SULT4A1: variants seen among roughly 807,000 people sequenced by gnomAD.
SULT4A1 encodes the protein sulfotransferase family 4A member 1.
SULT4A1 carries 11 observed loss-of-function variants against 35.2 expected under a neutral mutation model. The ratio of observed to expected loss-of-function variants is 0.31; its 90% CI spans 0.20 to 0.52. The LOEUF is 0.52. SULT4A1 is among the 20% of genes least tolerant of loss of function. The probability of loss-of-function intolerance (pLI) is 0.97; values close to 1 mark genes in which losing one functional copy is unlikely to be tolerated. For synonymous variants in SULT4A1, 152 were observed against 151.8 expected (o/e 1.00, Z -0.01); for missense variants, 271 against 383.7 (o/e 0.71, Z 2.45).
intron 1 of SULT4A1, among the ~76,000 whole-genome samples, chr22:43,854,796 G>C (rs551068662): frequency 3.3e-5 from 5 of 152,334 alleles, no homozygotes; most frequent in African/African-American, 1.2e-4. Flanking sequence ...GTTCCACAGA[G>C]GAACCCCTTT....
intron 1 of SULT4A1, among the ~76,000 whole-genome samples, chr22:43,860,913 C>A (rs1211995833): frequency 6.6e-6 from 1 of 152,120 alleles, no homozygotes; most frequent in East Asian, 1.9e-4. Context: ...GACCTCTGTC[C>A]CTCAGCAACT....
chr22:43,828,832 C>T, intron 6 of SULT4A1: 1 of 471,338 alleles, frequency 2.1e-6, no homozygotes, highest in Non-Finnish European at 3.7e-6. Context: ...ACACTGTTTG[C>T]TTGGAGGCAA....
intron 1 of SULT4A1, among the ~76,000 whole-genome samples, chr22:43,858,227 G>A (rs1300218596): frequency 1.3e-5 from 2 of 152,188 alleles, no homozygotes; most frequent in Non-Finnish European, 1.5e-5. Flanking sequence ...GGCCAAGGCA[G>A]GAGGATTATT....
chr22:43,851,355 A>C (rs1404112766), intron 1 of SULT4A1, among the ~76,000 whole-genome samples: 2 of 150,672 alleles, frequency 1.3e-5, no homozygotes, highest in Admixed American at 1.3e-4. Context: ...TGCTCCTCAC[A>C]TGGTCTTTGC....
intron 1 of SULT4A1, among the ~76,000 whole-genome samples, chr22:43,847,728 G>A (rs941736947): frequency 5.9e-5 from 9 of 152,170 alleles, no homozygotes; most frequent in African/African-American, 2.2e-4. Context: ...CTAACAACAC[G>A]CCTCTCGATC....
rs909517671 is a variant in SULT4A1 at position 43,825,553 on chromosome 22, C to T, written c.*448G>A. 6.4e-6 allele frequency: 1 copy of T among 156,024 alleles called. No individual in the cohort carries two copies. Among genetic ancestry groups the T allele is most frequent in the African/African-American group, 2.4e-5 (1 of 41,450 alleles). The allele number at this position is 156,024 out of a possible 1,614,324, so 9.7% of individuals were successfully genotyped here. A position where few individuals can be genotyped will look rare whatever the true frequency, so the allele number is the denominator to read the frequency against. On this transcript the variant is annotated 3_prime_UTR_variant, in exon 7 of 7. Coordinates refer to ENST00000330884, the MANE Select transcript of SULT4A1 (RefSeq NM_014351.4). ...GGCTGTGCCTTAGATAATAAAACTACAAAAATAAAGAGTTAACCCTGAGAT... is the reference window on the plus strand; with the variant it reads ...GGCTGTGCCTTAGATAATAAAACTATAAAAATAAAGAGTTAACCCTGAGAT...
At chr22:43,828,363 CAG>C (rs1475290820) in intron 6 of SULT4A1, among the ~76,000 whole-genome samples, 5 of 152,234 alleles carry the variant, frequency 3.3e-5, no homozygotes, top group East Asian at 1.9e-4. Flanking sequence ...CCCTTAAGGA[CAG>C]GGGGAGCAAC....
intron 1 of SULT4A1, among the ~76,000 whole-genome samples, chr22:43,844,660 G>T (rs899603288): frequency 6.6e-6 from 1 of 152,194 alleles, no homozygotes; most frequent in African/African-American, 2.4e-5. Flanking sequence ...GCACCCTCCT[G>T]GGCAGGGCCA....
chr22:43,841,832 C>T lies in SULT4A1; in HGVS notation c.270G>A (p.Glu90=), dbSNP rs1167677138. The stretch of plus-strand genomic sequence containing the variant: ...TGATGTCCAGGCCCGGCTGTGGGTA[C>T]TCCAGGACCGGGAGCTGCTCGTCGA... ...MNIDEQLPVL[E]YPQPGLDIIK... The change falls in exon 2 of 7, where the codon GAG becomes GAA. Residue 90 remains glutamate, a synonymous_variant. Coordinates refer to ENST00000330884, the MANE Select transcript of SULT4A1 (RefSeq NM_014351.4). 2 of 1,613,902 alleles carry T rather than the reference C, an allele frequency of 1.2e-6. No individual in the cohort carries two copies. Among genetic ancestry groups the T allele is most frequent in the Admixed American group, 3.3e-5 (2 of 60,004 alleles).
chr22:43,859,712 T>C (rs923263199), intron 1 of SULT4A1, among the ~76,000 whole-genome samples: 9 of 152,270 alleles, frequency 5.9e-5, no homozygotes, highest in East Asian at 1.9e-4. Context: ...ATCACGGTTT[T>C]ACCTGGCGCT....
intron 5 of SULT4A1, 126 bp downstream of exon 5, chr22:43,833,514 C>G (rs576254722): frequency 6.4e-5 from 43 of 675,506 alleles, no homozygotes; most frequent in Admixed American, 3.7e-4. Flanking sequence ...TGTCCCGCCC[C>G]CTCCTCTGTC....
intron 5 of SULT4A1, among the ~76,000 whole-genome samples, chr22:43,831,514 G>A (rs1173078941): frequency 1.3e-5 from 2 of 152,106 alleles, no homozygotes; most frequent in Non-Finnish European, 1.5e-5. Context: ...ACTCCAGAAC[G>A]TCCACGGAGG....
chr22:43,829,192 C>A lies in SULT4A1; in HGVS notation c.610G>T (p.Val204Leu). The change falls in exon 6 of 7, where the codon GTG (valine) becomes TTG (leucine). Residue 204 changes from valine to leucine, a missense_variant. Physicochemically the swap from Val to Leu is conservative, Grantham distance 32. Coordinates refer to ENST00000330884, the MANE Select transcript of SULT4A1 (RefSeq NM_014351.4). ...CTGGCCAGCTGCTCCACCATCGTCACCAGGTCCTGGAAGACAAGTGCAGAG... is the reference window on the plus strand; with the variant it reads ...CTGGCCAGCTGCTCCACCATCGTCAACAGGTCCTGGAAGACAAGTGCAGAG... ...LKYEDMHRDL[V>L]TMVEQLARFL... 1.9e-6 allele frequency: 3 copies of A among 1,561,838 alleles called. No individual in the cohort carries two copies. The highest frequency in any genetic ancestry group is 2.6e-6 in the Non-Finnish European group (3 of 1,153,186).
intron 1 of SULT4A1, among the ~76,000 whole-genome samples, chr22:43,859,778 C>T (rs1406048554): frequency 2.0e-5 from 3 of 152,320 alleles, no homozygotes; most frequent in East Asian, 1.9e-4. Flanking sequence ...CCACCCAATA[C>T]GGCAGCCGCT....
chr22:43,831,907 A>ACAC (rs369924911), intron 5 of SULT4A1, among the ~76,000 whole-genome samples: 2 of 89,594 alleles, frequency 2.2e-5, no homozygotes, highest in Non-Finnish European at 4.8e-5. Flanking sequence ...ACTGTGCATG[A>ACAC]CACCACCACA....
chr22:43,850,591 CCT>C lies in SULT4A1; in HGVS notation c.170-8661_170-8660del, dbSNP rs1172214390. ...CCTGTTTGCTGCTTGGGGACATGCCCCTGTTCCCTCTGCTCTCCCTCCCTCAT... is the reference window on the plus strand; with the variant it reads ...CCTGTTTGCTGCTTGGGGACATGCCCGTTCCCTCTGCTCTCCCTCCCTCAT... On this transcript the variant is annotated intron_variant, in intron 1 of 6. Coordinates refer to ENST00000330884, the MANE Select transcript of SULT4A1 (RefSeq NM_014351.4). 2.0e-5 allele frequency among the ~76,000 whole-genome samples: 3 copies of C among 152,276 alleles called. No individual in the cohort carries two copies. The East Asian group carries it at 5.8e-4, about 29-fold the overall frequency.
chr22:43,837,316 A>G (rs183594324), intron 4 of SULT4A1, among the ~76,000 whole-genome samples: 10 of 152,278 alleles, frequency 6.6e-5, no homozygotes, highest in Admixed American at 6.5e-4. Flanking sequence ...AGAGGCCTAT[A>G]TTAAGAGAAC....
In SULT4A1 at chr22:43,856,553, C is replaced by T. The variant is rs149084795; in HGVS notation, c.169+5661G>A. Among the ~76,000 whole-genome samples the T allele has an allele frequency of 3.9e-5, 6 of 152,296 alleles. No homozygotes were observed. In the East Asian group the frequency reaches 1.2e-3, roughly 29 times the overall value. On this transcript the variant is annotated intron_variant, in intron 1 of 6. Transcript: ENST00000330884. ...AAACCCTCCCTACCAAGCTACTAAACCAAAGTAACAGATAACAGCAGAGTC... is the reference window on the plus strand; with the variant it reads ...AAACCCTCCCTACCAAGCTACTAAATCAAAGTAACAGATAACAGCAGAGTC...
At chr22:43,835,395 G>A (rs2063362688) in intron 4 of SULT4A1, among the ~76,000 whole-genome samples, 1 of 152,224 alleles carries the variant, frequency 6.6e-6, no homozygotes, top group Admixed American at 6.5e-5. Flanking sequence ...GGGGCTGGCG[G>A]TGCTAAGCAG....
Sources: gnomAD v4.1 joint callset for allele counts (sites outside exome capture counted in the v4.1 genomes callset) on GRCh38, gnomAD v4.1.1 for gene constraint, MANE v1.5 for transcripts, NCBI Gene and HGNC (gene_info 2026-07-23, HGNC 2026-07-21) for gene names.